Variants in PTPN3 observed in about 807,000 individuals in gnomAD.
PTPN3 encodes protein tyrosine phosphatase non-receptor type 3, also known as tyrosine-protein phosphatase non-receptor type 3.
In PTPN3, 96 loss-of-function variants were observed where a neutral mutation model predicts 132.7. That is an observed-to-expected ratio of 0.72 (90% CI 0.61 to 0.86). The LOEUF (loss-of-function observed/expected upper bound fraction) is 0.86. Ranked by LOEUF, PTPN3 falls within the 40% of genes least tolerant of loss-of-function variation. PTPN3 has a pLI of 0.00. For missense variants in PTPN3, 1,125 were observed against 1,159.6 expected, an observed-to-expected ratio of 0.97 and a Z score of 0.43; for synonymous variants, 398 against 429.0, an observed-to-expected ratio of 0.93 and a Z score of 0.89.
chr9:109,525,585 C>T, the PTPN3 span, among the ~76,000 whole-genome samples: 1 of 152,126 alleles, frequency 6.6e-6, no homozygotes, highest in African/African-American at 2.4e-5. Context: ...TTATGTGCAA[C>T]CAGGATTGGG....
At chr9:109,528,436 T>A in the PTPN3 span, among the ~76,000 whole-genome samples, 1 of 152,130 alleles carries the variant, frequency 6.6e-6, no homozygotes, top group South Asian at 2.1e-4. Flanking sequence ...CAATGAAGAG[T>A]ACCGATCTCA....
intron 2 of PTPN3, among the ~76,000 whole-genome samples, chr9:109,459,985 A>G (rs1482652815): frequency 6.6e-6 from 1 of 151,940 alleles, no homozygotes; most frequent in African/African-American, 2.4e-5. Context: ...GGTGACATCC[A>G]CATCTGTATC....
chr9:109,446,254 T>C (rs1051211570), intron 6 of PTPN3, among the ~76,000 whole-genome samples: 3 of 152,124 alleles, frequency 2.0e-5, no homozygotes, highest in African/African-American at 7.2e-5. Flanking sequence ...AGCACCCCAG[T>C]GGGAAGTGGG....
chr9:109,518,935 C>G, the PTPN3 span, among the ~76,000 whole-genome samples: 103 of 152,256 alleles, frequency 6.8e-4, no homozygotes, highest in African/African-American at 2.4e-3. Flanking sequence ...GTCTGGCAAA[C>G]TCCTATTCAT....
At chr9:109,379,849 G>A (rs1481136600) in intron 25 of PTPN3, among the ~76,000 whole-genome samples, 2 of 152,260 alleles carry the variant, frequency 1.3e-5, no homozygotes, top group Admixed American at 6.5e-5. Context: ...AGACATGACA[G>A]AGGGAGAAAC....
At chr9:109,507,324 A>G in the PTPN3 span, among the ~76,000 whole-genome samples, 3 of 152,240 alleles carry the variant, frequency 2.0e-5, no homozygotes. Flanking sequence ...CTCTGCTGGA[A>G]GTCACATCCA....
At chr9:109,525,748 G>T in the PTPN3 span, among the ~76,000 whole-genome samples, 4 of 152,156 alleles carry the variant, frequency 2.6e-5, no homozygotes, top group Non-Finnish European at 5.9e-5. Flanking sequence ...AGTCGTTTTT[G>T]CAGAAGGGCA....
At chr9:109,534,240 C>G in the PTPN3 span, 12 of 1,481,060 alleles carry the variant, frequency 8.1e-6, no homozygotes, top group African/African-American at 1.4e-5. Flanking sequence ...TGCCGCTGCC[C>G]GTAGTGCCGG....
At chr9:109,514,116 C>T in the PTPN3 span, among the ~76,000 whole-genome samples, 6 of 152,282 alleles carry the variant, frequency 3.9e-5, no homozygotes, top group Middle Eastern at 3.4e-3. Flanking sequence ...TCTCTCCATT[C>T]GGCACCCCCC....
At chr9:109,387,345 C>G (rs1839674365) in intron 22 of PTPN3, among the ~76,000 whole-genome samples, 1 of 152,228 alleles carries the variant, frequency 6.6e-6, no homozygotes, top group Non-Finnish European at 1.5e-5. Context: ...TTTCACCAAA[C>G]AGTGTGTTTA....
intron 10 of PTPN3, among the ~76,000 whole-genome samples, chr9:109,431,339 G>A (rs1171456861): frequency 2.0e-5 from 3 of 152,252 alleles, no homozygotes; most frequent in Non-Finnish European, 2.9e-5. Flanking sequence ...GCCCTTAGGA[G>A]GTTTGGTCAC....
chr9:109,446,206 C>T (rs1294829662), intron 6 of PTPN3, among the ~76,000 whole-genome samples: 1 of 152,170 alleles, frequency 6.6e-6, no homozygotes, highest in Non-Finnish European at 1.5e-5. Flanking sequence ...TCCTTAACAG[C>T]AACACTGGGA....
chr9:109,411,006 C>T (rs554370707), intron 14 of PTPN3, among the ~76,000 whole-genome samples: 2 of 152,314 alleles, frequency 1.3e-5, no homozygotes, highest in Admixed American at 6.5e-5. Flanking sequence ...CGTGGAGCTG[C>T]ACTGTCTAGT....
chr9:109,429,366 C>T (rs1843507176), intron 10 of PTPN3, among the ~76,000 whole-genome samples: 1 of 152,202 alleles, frequency 6.6e-6, no homozygotes, highest in African/African-American at 2.4e-5. Flanking sequence ...TGCTCCTAAG[C>T]TCTCCACTAT....
At chr9:109,444,152 G>A (rs1844686080) in intron 7 of PTPN3, among the ~76,000 whole-genome samples, 1 of 152,186 alleles carries the variant, frequency 6.6e-6, no homozygotes, top group Admixed American at 6.5e-5. Flanking sequence ...GGTCAACAGG[G>A]TAATAGGCCA....
intron 1 of PTPN3, among the ~76,000 whole-genome samples, chr9:109,497,793 C>A (rs74958900): frequency 0.045 from 6,889 of 152,060 alleles, 203 homozygotes; most frequent in Non-Finnish European, 0.07. Flanking sequence ...GCGCTGGCAG[C>A]CGCTCTCGGC....
At chr9:109,398,736 G>C (rs1450367773) in intron 19 of PTPN3, among the ~76,000 whole-genome samples, 1 of 152,204 alleles carries the variant, frequency 6.6e-6, no homozygotes, top group Non-Finnish European at 1.5e-5. Context: ...GGGATCCTTT[G>C]TTGCTGGGAA....
At chr9:109,486,825 C>G (rs1281384945) in intron 1 of PTPN3, among the ~76,000 whole-genome samples, 2 of 152,038 alleles carry the variant, frequency 1.3e-5, no homozygotes, top group African/African-American at 2.4e-5. Context: ...TGCTGCTGTT[C>G]TTGTGATAGT....
intron 25 of PTPN3, among the ~76,000 whole-genome samples, chr9:109,380,539 A>G (rs1428043908): frequency 6.6e-6 from 1 of 152,216 alleles, no homozygotes; most frequent in Non-Finnish European, 1.5e-5. Context: ...TATAGGCGTG[A>G]GCCACCGTGC....
Sources: gnomAD v4.1 joint callset for allele counts (sites outside exome capture counted in the v4.1 genomes callset) on GRCh38, gnomAD v4.1.1 for gene constraint, MANE v1.5 for transcripts, NCBI Gene and HGNC (gene_info 2026-07-23, HGNC 2026-07-21) for gene names.